The following KCNT2 variants were observed in gnomAD, a reference collection of about 807,000 sequenced individuals.
The protein encoded by KCNT2 is potassium channel subfamily T member 2.
KCNT2 carries 67 observed loss-of-function variants against 153.8 expected under a neutral mutation model. The observed-to-expected ratio is 0.44, with a 90% confidence interval of 0.36 to 0.53. KCNT2 has a LOEUF of 0.53. KCNT2 is among the 20% of genes least tolerant of loss of function. KCNT2 has a pLI of 0.00. For missense variants in KCNT2, 975 were observed against 1,354.8 expected (o/e 0.72, Z 4.40); for synonymous variants, 500 against 458.8 (o/e 1.09, Z -1.15).
intron 13 of KCNT2, among the ~76,000 whole-genome samples, chr1:196,392,046 T>C (rs989801366): frequency 3.3e-5 from 5 of 151,452 alleles, no homozygotes; most frequent in African/African-American, 1.2e-4. Flanking sequence ...AGCATTGTTA[T>C]GTAGCAGAAT....
chr1:196,243,889 C>G (rs925612769), intron 26 of KCNT2, among the ~76,000 whole-genome samples: 2 of 151,926 alleles, frequency 1.3e-5, no homozygotes, highest in Non-Finnish European at 2.9e-5. Context: ...CTTGTGCCAC[C>G]CCTCCCCCAA....
chr1:196,369,443 T>C (rs560493969), intron 14 of KCNT2, among the ~76,000 whole-genome samples: 2 of 152,196 alleles, frequency 1.3e-5, no homozygotes, highest in African/African-American at 4.8e-5. Flanking sequence ...TCATCTAGCA[T>C]TAGGTATATT....
intron 12 of KCNT2, among the ~76,000 whole-genome samples, chr1:196,402,141 G>C (rs927696673): frequency 1.3e-5 from 2 of 151,432 alleles, no homozygotes; most frequent in African/African-American, 4.8e-5. Flanking sequence ...CTAAAATAAG[G>C]AAATGTACTC....
At chr1:196,358,552 AT>A (rs1161244478) in intron 14 of KCNT2, among the ~76,000 whole-genome samples, 1 of 151,844 alleles carries the variant, frequency 6.6e-6, no homozygotes, top group Non-Finnish European at 1.5e-5. Context: ...AGTCTTCTAA[AT>A]TATTGTTTAT....
rs1006390871 is a variant in KCNT2 at position 196,468,751 on chromosome 1, T to C, written c.459+243A>G. 2.0e-5 allele frequency among the ~76,000 whole-genome samples: 3 copies of C among 152,192 alleles called. No homozygotes were observed. The East Asian group carries it at 5.8e-4, about 29-fold the overall frequency. ...TTAAACAACAATGACATTTGTCAAA[T>C]GGCATCCCCAGAACATATATCTCTT... On this transcript the variant is annotated intron_variant, in intron 6 of 27. Coordinates refer to ENST00000294725, the MANE Select transcript of KCNT2 (RefSeq NM_198503.5).
chr1:196,463,635 A>C (rs1677350441), intron 8 of KCNT2, among the ~76,000 whole-genome samples: 1 of 151,806 alleles, frequency 6.6e-6, no homozygotes, highest in Non-Finnish European at 1.5e-5. Flanking sequence ...ACAAAACAAT[A>C]ACTATTATAC....
chr1:196,332,844 G>T (rs886533215), intron 17 of KCNT2, among the ~76,000 whole-genome samples: 2 of 150,872 alleles, frequency 1.3e-5, no homozygotes, highest in African/African-American at 4.9e-5. Flanking sequence ...GACTGCAGTG[G>T]CAGGATCTTA....
At chr1:196,263,998 T>C (rs1180713692) in intron 25 of KCNT2, among the ~76,000 whole-genome samples, 1 of 152,176 alleles carries the variant, frequency 6.6e-6, no homozygotes, top group Non-Finnish European at 1.5e-5. Context: ...CACTTTGGTC[T>C]CTGTGGAATT....
intron 1 of KCNT2, among the ~76,000 whole-genome samples, chr1:196,558,813 T>C (rs1311359496): frequency 6.6e-6 from 1 of 151,550 alleles, no homozygotes; most frequent in Non-Finnish European, 1.5e-5. Flanking sequence ...ACACATTAAA[T>C]CAAATGTGTG....
intron 2 of KCNT2, 93 bp downstream of exon 2, chr1:196,492,169 C>G (rs1337459098): frequency 1.7e-6 from 2 of 1,197,012 alleles, no homozygotes; most frequent in African/African-American, 3.2e-5. Flanking sequence ...TTTTATTCCT[C>G]TATCTAAAAA....
At chr1:196,285,966 A>C (rs559037680) in intron 22 of KCNT2, among the ~76,000 whole-genome samples, 1 of 152,298 alleles carries the variant, frequency 6.6e-6, no homozygotes, top group Non-Finnish European at 1.5e-5. Context: ...CCAATAGTGA[A>C]GAAAGATCAA....
chr1:196,561,096 TAA>T (rs1558079003), intron 1 of KCNT2, among the ~76,000 whole-genome samples: 2 of 151,826 alleles, frequency 1.3e-5, no homozygotes, highest in African/African-American at 4.8e-5. Flanking sequence ...TCAAAATTAC[TAA>T]AAGAGTAGTT....
intron 12 of KCNT2, among the ~76,000 whole-genome samples, chr1:196,401,429 C>T (rs1404808833): frequency 6.6e-6 from 1 of 151,588 alleles, no homozygotes; most frequent in East Asian, 1.9e-4. Flanking sequence ...GGACTTAAAG[C>T]TGCTACTAGA....
chr1:196,238,123 A>G (rs1654607907), intron 26 of KCNT2, among the ~76,000 whole-genome samples: 1 of 151,926 alleles, frequency 6.6e-6, no homozygotes, highest in Non-Finnish European at 1.5e-5. Flanking sequence ...GAACTGTGAT[A>G]CAGGAAAAAA....
chr1:196,526,885 A>G (rs1332388291), intron 1 of KCNT2, among the ~76,000 whole-genome samples: 1 of 151,946 alleles, frequency 6.6e-6, no homozygotes, highest in Non-Finnish European at 1.5e-5. Context: ...GTGGTCCCTA[A>G]CCCCCATGCC....
At position 196,339,520 on chromosome 1, in the gene KCNT2, C is replaced by CAGAGAGAGAGAGAGAG. The variant is rs5779831; in HGVS notation, c.1783+805_1783+820dup. 2.7e-3 allele frequency among the ~76,000 whole-genome samples: 379 copies of CAGAGAGAGAGAGAGAG among 137,988 alleles called. 2 individuals are homozygous for CAGAGAGAGAGAGAGAG. The highest frequency in any genetic ancestry group is 0.01 in the African/African-American group (354 of 34,966). The allele number at this position is 137,988 out of a possible 152,430, so 90.5% of individuals were successfully genotyped here. On this transcript the variant is annotated intron_variant, in intron 16 of 27. Transcript: ENST00000294725. ...AGATATGAAGAGACACACACACACA[C>CAGAGAGAGAGAGAGAG]AGAGAGAGAGAGAGAGAGAGAGAGA...
chr1:196,540,673 G>A (rs1656232458), intron 1 of KCNT2, among the ~76,000 whole-genome samples: 1 of 152,122 alleles, frequency 6.6e-6, no homozygotes, highest in African/African-American at 2.4e-5. Context: ...AAAAACCTAT[G>A]TATAAAAATT....
intron 24 of KCNT2, among the ~76,000 whole-genome samples, chr1:196,281,874 C>T (rs990902309): frequency 6.6e-6 from 1 of 151,652 alleles, no homozygotes; most frequent in Non-Finnish European, 1.5e-5. Flanking sequence ...CTCAGCCTCC[C>T]GAGTAGCTGG....
rs540979941 is a variant in KCNT2 at position 196,499,462 on chromosome 1, C to G, written c.96-7121G>C. Among the ~76,000 whole-genome samples the G allele has an allele frequency of 6.8e-4, 103 of 152,228 alleles. 3 individuals carry two copies. The highest frequency in any genetic ancestry group is 1.8e-4 in the Non-Finnish European group (12 of 68,036). On this transcript the variant is annotated intron_variant, in intron 1 of 27. Transcript: ENST00000294725. ...CATCCCACATATTAGTTAGGACCTACTGGACATTAAAGATTAAGAGATAAA... is the reference window on the plus strand; with the variant it reads ...CATCCCACATATTAGTTAGGACCTAGTGGACATTAAAGATTAAGAGATAAA...
Sources: allele counts gnomAD v4.1 joint callset (sites outside exome capture counted in the v4.1 genomes callset), GRCh38; gene constraint gnomAD v4.1.1; transcripts MANE v1.5; gene names NCBI Gene and HGNC (gene_info 2026-07-23, HGNC 2026-07-21).